The following ZMIZ1 variants were observed in gnomAD, a reference collection of about 807,000 sequenced individuals.
The protein encoded by ZMIZ1 is zinc finger MIZ domain-containing protein 1.
Under a neutral mutation model 113.9 loss-of-function variants are expected in ZMIZ1, and 17 were observed. The ratio of observed to expected loss-of-function variants is 0.15; its 90% CI spans 0.10 to 0.22. The LOEUF is 0.22. Ranked by LOEUF, ZMIZ1 falls within the 10% of genes least tolerant of loss-of-function variation. The probability of loss-of-function intolerance (pLI) is 1.00; values close to 1 mark genes in which losing one functional copy is unlikely to be tolerated. For synonymous variants in ZMIZ1, 607 were observed against 603.1 expected, an observed-to-expected ratio of 1.01 and a Z score of -0.09; for missense variants, 1,059 against 1,477.8, an observed-to-expected ratio of 0.72 and a Z score of 4.65.
intron 1 of ZMIZ1, among the ~76,000 whole-genome samples, chr10:79,115,267 G>C (rs1843971123): frequency 6.6e-6 from 1 of 152,212 alleles, no homozygotes; most frequent in Non-Finnish European, 1.5e-5. Flanking sequence ...CTACCCAGCT[G>C]CCCTTGTGGG....
intron 2 of ZMIZ1, among the ~76,000 whole-genome samples, chr10:79,133,519 C>T (rs145536545): frequency 1.3e-5 from 2 of 152,318 alleles, no homozygotes; most frequent in African/African-American, 4.8e-5. Flanking sequence ...GAGAAAGAGA[C>T]AGACAAGAGT....
intron 4 of ZMIZ1, among the ~76,000 whole-genome samples, chr10:79,175,612 GT>G (rs930649400): frequency 5.6e-5 from 7 of 125,192 alleles, no homozygotes; most frequent in Non-Finnish European, 9.6e-5. Flanking sequence ...GTGTGTGTGT[GT>G]GTGTGTGTGT....
chr10:79,303,409 C>G (rs1184081168), intron 18 of ZMIZ1, among the ~76,000 whole-genome samples: 1 of 134,604 alleles, frequency 7.4e-6, no homozygotes, highest in Non-Finnish European at 1.5e-5. Flanking sequence ...GAGCCATGAT[C>G]AAGCCACCAC....
chr10:79,225,178 C>A (rs1849152938), intron 7 of ZMIZ1, among the ~76,000 whole-genome samples: 1 of 152,202 alleles, frequency 6.6e-6, no homozygotes, highest in Non-Finnish European at 1.5e-5. Flanking sequence ...GTGCCTGCAA[C>A]AAGATGCTTT....
At chr10:79,107,850 G>T (rs964884890) in intron 1 of ZMIZ1, among the ~76,000 whole-genome samples, 3 of 152,214 alleles carry the variant, frequency 2.0e-5, no homozygotes, top group Non-Finnish European at 4.4e-5. Flanking sequence ...GGGTTGAGAA[G>T]AGGTGAAAAG....
chr10:79,102,603 A>G (rs1323656516), intron 1 of ZMIZ1, among the ~76,000 whole-genome samples: 1 of 152,172 alleles, frequency 6.6e-6, no homozygotes, highest in East Asian at 1.9e-4. Context: ...TGACTTTTCC[A>G]TGGGTTCTTA....
chr10:79,305,094 G>A (rs900532192), intron 19 of ZMIZ1, 70 bp from the exon 20 acceptor site: 1 of 1,558,868 alleles, frequency 6.4e-7, no homozygotes, highest in Non-Finnish European at 8.8e-7. Flanking sequence ...TTATTCCAAG[G>A]GTCCCTGAGG....
Position 79,316,158 on chromosome 10 carries a change from T to C in ZMIZ1, c.*3409T>C, listed in dbSNP as rs1319628277. 6.5e-6 allele frequency: 1 copy of C among 152,694 alleles called. No individual in the cohort carries two copies. The highest frequency in any genetic ancestry group is 1.5e-5 in the Non-Finnish European group (1 of 68,038). The allele number at this position is 152,694 out of a possible 1,614,324, so 9.5% of individuals were successfully genotyped here. On this transcript the variant is annotated 3_prime_UTR_variant, in exon 25 of 25. Coordinates refer to ENST00000334512, the MANE Select transcript of ZMIZ1 (RefSeq NM_020338.4). ...TTTTTGATATCATGATCACAGGTGA[T>C]TCACACGTACACACATAAACACACC...
intron 7 of ZMIZ1, among the ~76,000 whole-genome samples, chr10:79,261,671 G>A (rs533774318): frequency 6.6e-6 from 1 of 152,352 alleles, no homozygotes; most frequent in South Asian, 2.1e-4. Flanking sequence ...AAGTGGTGTT[G>A]CTGAGAGATG....
intron 1 of ZMIZ1, among the ~76,000 whole-genome samples, chr10:79,072,170 G>T (rs1235471506): frequency 2.0e-5 from 3 of 152,210 alleles, no homozygotes; most frequent in Admixed American, 2.0e-4. Context: ...TAAGCAAAGG[G>T]GGGAGGAGGG....
At chr10:79,092,564 G>C (rs1843016784) in intron 1 of ZMIZ1, among the ~76,000 whole-genome samples, 1 of 152,268 alleles carries the variant, frequency 6.6e-6, no homozygotes, top group South Asian at 2.1e-4. Context: ...TGTTGTCACA[G>C]TAGCATCGCA....
chr10:79,243,347 T>TCGG (rs543235060), intron 7 of ZMIZ1, among the ~76,000 whole-genome samples: 28 of 149,560 alleles, frequency 1.9e-4, no homozygotes, highest in East Asian at 1.8e-3. Flanking sequence ...GGCTGCCTCC[T>TCGG]CGGCGGCGGC....
At chr10:79,078,021 C>T (rs1842532118) in intron 1 of ZMIZ1, among the ~76,000 whole-genome samples, 1 of 152,224 alleles carries the variant, frequency 6.6e-6, no homozygotes, top group Non-Finnish European at 1.5e-5. Flanking sequence ...TTTCCACACT[C>T]TTGTGTAGCA....
chr10:79,202,718 T>C (rs959477581), intron 5 of ZMIZ1, among the ~76,000 whole-genome samples: 5 of 151,870 alleles, frequency 3.3e-5, no homozygotes, highest in Non-Finnish European at 7.4e-5. Flanking sequence ...TGGCCAGGAG[T>C]GACGTGCCCA....
chr10:79,277,695 G>A (rs1347320986), intron 8 of ZMIZ1, among the ~76,000 whole-genome samples: 1 of 152,192 alleles, frequency 6.6e-6, no homozygotes, highest in Non-Finnish European at 1.5e-5. Flanking sequence ...CAGCCAAGAT[G>A]GGGACAGAGC....
intron 4 of ZMIZ1, among the ~76,000 whole-genome samples, chr10:79,186,786 T>C (rs570204299): frequency 1.3e-5 from 2 of 152,230 alleles, no homozygotes; most frequent in East Asian, 1.9e-4. Flanking sequence ...TTCATTTCAA[T>C]ACCTTCTCCC....
chr10:79,275,219 A>T (rs1355912356), intron 7 of ZMIZ1, among the ~76,000 whole-genome samples: 1 of 152,224 alleles, frequency 6.6e-6, no homozygotes, highest in Non-Finnish European at 1.5e-5. Context: ...GGACACCCAC[A>T]TAGGGGTGTT....
chr10:79,195,833 G>A (rs542327416), intron 4 of ZMIZ1, among the ~76,000 whole-genome samples: 2 of 152,204 alleles, frequency 1.3e-5, no homozygotes, highest in African/African-American at 2.4e-5. Flanking sequence ...AAGGTAGAGG[G>A]TTTGAATCTC....
intron 7 of ZMIZ1, among the ~76,000 whole-genome samples, chr10:79,253,799 A>G (rs1850700999): frequency 6.6e-6 from 1 of 152,158 alleles, no homozygotes; most frequent in Non-Finnish European, 1.5e-5. Flanking sequence ...GACCCCAAAG[A>G]TATCCATCTG....
Sources: allele counts gnomAD v4.1 joint callset (sites outside exome capture counted in the v4.1 genomes callset), GRCh38; gene constraint gnomAD v4.1.1; transcripts MANE v1.5; gene names NCBI Gene and HGNC (gene_info 2026-07-23, HGNC 2026-07-21).